The following PLS3 variants were observed in gnomAD, a reference collection of about 807,000 sequenced individuals.
PLS3 encodes the protein plastin-3.
PLS3 carries 11 observed loss-of-function variants against 46.5 expected under a neutral mutation model. The observed-to-expected ratio is 0.24, with a 90% CI of 0.15 to 0.39. The LOEUF (loss-of-function observed/expected upper bound fraction) is 0.39. PLS3 is among the 10% of genes least tolerant of loss of function. PLS3 has a pLI of 1.00. For synonymous variants in PLS3, 167 were observed against 162.2 expected (o/e 1.03, Z -0.22); for missense variants, 308 against 461.8 (o/e 0.67, Z 3.05).
chrX:115,597,193 G>A (rs1254354148), intron 1 of PLS3, among the ~76,000 whole-genome samples: 12 of 111,151 alleles, frequency 1.1e-4, no homozygotes, highest in African/African-American at 3.9e-4. Flanking sequence ...CAGAAAATTG[G>A]AGATGGTTTA....
intron 1 of PLS3, among the ~76,000 whole-genome samples, chrX:115,605,188 A>G (rs1556635133): frequency 1.8e-5 from 2 of 111,806 alleles, no homozygotes; most frequent in South Asian, 7.5e-4. Flanking sequence ...TCCTGAAACA[A>G]CCTTGTCTGG....
At chrX:115,611,053 T>C (rs1233720679) in intron 2 of PLS3, 1 of 390,057 alleles carries the variant, frequency 2.6e-6, no homozygotes, top group Non-Finnish European at 4.5e-6. Context: ...AGGTAGATTA[T>C]TATTATTTGG....
intron 1 of PLS3, among the ~76,000 whole-genome samples, chrX:115,588,463 A>G (rs1044850537): frequency 1.7e-4 from 19 of 112,358 alleles, no homozygotes; most frequent in Non-Finnish European, 3.0e-4. Context: ...CCTTGTCACT[A>G]CACTTTTTTT....
rs916871343 is a variant in PLS3 at position 115,610,378 on chromosome X, G to C, written c.73+55G>C. 3.5e-5 allele frequency: 21 copies of C among 606,257 alleles called. No individual in the cohort carries two copies. In the African/African-American group the frequency reaches 3.7e-4, roughly 11 times the overall value. The allele number at this position is 606,257 out of a possible 1,213,427, so 50.0% of individuals were successfully genotyped here. On this transcript the variant is annotated intron_variant, in intron 2 of 15. Coordinates refer to ENST00000355899, the MANE Select transcript of PLS3 (RefSeq NM_005032.7). ...GAAGCAATATTTATTTGGTCTCAAAGTTATTTCTCTATAAATATCACATGA... is the reference window on the plus strand; with the variant it reads ...GAAGCAATATTTATTTGGTCTCAAACTTATTTCTCTATAAATATCACATGA...
At chrX:115,598,243 T>G (rs2074408105) in intron 1 of PLS3, among the ~76,000 whole-genome samples, 1 of 107,528 alleles carries the variant, frequency 9.3e-6, no homozygotes, top group Non-Finnish European at 1.9e-5. Context: ...GAGGCTTCAG[T>G]TACCATGACA....
At chrX:115,579,794 G>A (rs1244811854) in intron 1 of PLS3, among the ~76,000 whole-genome samples, 2 of 111,381 alleles carry the variant, frequency 1.8e-5, no homozygotes, top group African/African-American at 3.3e-5. Context: ...GTGCAGTGGC[G>A]CAATCACGGC....
At chrX:115,633,647 T>A (rs2074801080) in intron 5 of PLS3, among the ~76,000 whole-genome samples, 1 of 110,025 alleles carries the variant, frequency 9.1e-6, no homozygotes, top group African/African-American at 3.3e-5. Context: ...CATGCCACCA[T>A]GCCCGGCTAA....
At chrX:115,595,086 C>G (rs1028586159) in intron 1 of PLS3, among the ~76,000 whole-genome samples, 2 of 111,525 alleles carry the variant, frequency 1.8e-5, no homozygotes, top group African/African-American at 3.3e-5. Context: ...GCCTGAGAAA[C>G]GTTTAAATGA....
intron 3 of PLS3, among the ~76,000 whole-genome samples, chrX:115,626,173 T>A (rs1485578344): frequency 8.9e-6 from 1 of 112,497 alleles, no homozygotes; most frequent in African/African-American, 3.2e-5. Flanking sequence ...ACTCAAATAG[T>A]TTTATCATCC....
At chrX:115,569,739 A>G (rs1266508888) in intron 1 of PLS3, among the ~76,000 whole-genome samples, 1 of 111,097 alleles carries the variant, frequency 9.0e-6, no homozygotes, top group Non-Finnish European at 1.9e-5. Flanking sequence ...CCTCCAGTTC[A>G]CTAGCCTCAC....
At position 115,629,901 on chromosome X, in the gene PLS3, A is replaced by C; in HGVS notation, c.434A>C (p.His145Pro). 1 of 1,163,314 alleles carries C rather than the reference A, an allele frequency of 8.6e-7. No individual in the cohort carries two copies. The highest frequency in any genetic ancestry group is 1.2e-6 in the Non-Finnish European group (1 of 853,470). ...KALENDPDCRHVIPMNPNTDD... is the reference protein window; with the variant it reads ...KALENDPDCRPVIPMNPNTDD... ...TTGGAAAATGATCCTGATTGTAGAC[A>C]TGTTATACCAATGAACCCTAACACC... The change falls in exon 5 of 16, where the codon CAT (histidine) becomes CCT (proline). Residue 145 changes from histidine to proline, a missense_variant. This residue lies in a region of PLS3 where 271 missense variants were observed against 435.7 expected (regional missense o/e 0.62). Coordinates refer to ENST00000355899, the MANE Select transcript of PLS3 (RefSeq NM_005032.7).
intron 8 of PLS3, among the ~76,000 whole-genome samples, chrX:115,637,243 T>C (rs782603641): frequency 2.8e-4 from 31 of 111,868 alleles, no homozygotes; most frequent in African/African-American, 9.4e-4. Flanking sequence ...AAACATGGAG[T>C]ATTAAAGAAT....
intron 1 of PLS3, among the ~76,000 whole-genome samples, chrX:115,609,545 A>G (rs983449162): frequency 8.9e-6 from 1 of 111,932 alleles, no homozygotes; most frequent in Admixed American, 9.5e-5. Flanking sequence ...TTTAATAACC[A>G]TATCCAGCTT....
intron 2 of PLS3, among the ~76,000 whole-genome samples, chrX:115,620,315 T>C (rs1173018633): frequency 9.0e-6 from 1 of 111,169 alleles, no homozygotes; most frequent in Non-Finnish European, 1.9e-5. Flanking sequence ...TGACTTTGCA[T>C]TTGCTATTTT....
rs1429184678 is a variant in PLS3, at chrX:115,646,622, C to T, written c.1511+87C>T. 31 of 782,645 alleles carry T rather than the reference C, an allele frequency of 4.0e-5. No homozygotes were observed. In the East Asian group the frequency reaches 5.6e-4, roughly 14 times the overall value. The allele number at this position is 782,645 out of a possible 1,213,427, so 64.5% of individuals were successfully genotyped here. On this transcript the variant is annotated intron_variant, in intron 13 of 15. Transcript: ENST00000355899. ...TACTGTGTTTAATAAGTGGATATGT[C>T]GATAACTACACTTTTGAAATATGTT...
chrX:115,575,318 A>G (rs1454592826), intron 1 of PLS3, among the ~76,000 whole-genome samples: 1 of 112,498 alleles, frequency 8.9e-6, no homozygotes, highest in Non-Finnish European at 1.9e-5. Context: ...TTAAGTGTCT[A>G]TCCATGAGTC....
intron 1 of PLS3, among the ~76,000 whole-genome samples, chrX:115,578,529 T>C (rs1556631479): frequency 9.2e-6 from 1 of 108,918 alleles, no homozygotes; most frequent in Admixed American, 9.9e-5. Context: ...ATCGAGACCA[T>C]CCTGGCTAAC....
At chrX:115,567,709 CTT>C (rs782653479) in intron 1 of PLS3, among the ~76,000 whole-genome samples, 2,385 of 81,791 alleles carry the variant, frequency 0.029, 101 homozygotes, top group African/African-American at 0.12. Context: ...TTTTCTTCTT[CTT>C]TTTTTTTTTT....
At chrX:115,605,086 A>C (rs12007566) in intron 1 of PLS3, among the ~76,000 whole-genome samples, 1 of 112,149 alleles carries the variant, frequency 8.9e-6, no homozygotes, top group Non-Finnish European at 1.9e-5. Context: ...GGTACTTCAG[A>C]GTAGCATTTC....
Sources: gnomAD v4.1 joint callset for allele counts (sites outside exome capture counted in the v4.1 genomes callset) on GRCh38, gnomAD v4.1.1 for gene constraint, gnomAD v4.1.1 regional missense constraint, MANE v1.5 for transcripts, NCBI Gene and HGNC (gene_info 2026-07-23, HGNC 2026-07-21) for gene names.